Variants in COL5A2 observed in about 807,000 individuals in gnomAD.
COL5A2 encodes the protein collagen type V alpha 2 chain.
A neutral mutation model predicts 208.2 loss-of-function variants in COL5A2; 23 were observed. That is an observed-to-expected ratio of 0.11 (90% CI 0.08 to 0.16). The LOEUF (loss-of-function observed/expected upper bound fraction) is 0.16, where lower values mean the gene tolerates loss of function less well. COL5A2 is among the 10% of genes least tolerant of loss of function. COL5A2 has a pLI of 1.00. For missense variants in COL5A2, 1,590 were observed against 1,956.4 expected (o/e 0.81, Z 3.53); for synonymous variants, 625 against 628.5 (o/e 0.99, Z 0.08).
chr2:189,289,581 G>GAGA, the COL5A2 span, among the ~76,000 whole-genome samples: 4 of 152,154 alleles, frequency 2.6e-5, no homozygotes, highest in Non-Finnish European at 5.9e-5. Flanking sequence ...ATTGGAAAGA[G>GAGA]AGAAGTTAAA....
At chr2:189,326,858 G>T in the COL5A2 span, among the ~76,000 whole-genome samples, 4 of 151,878 alleles carry the variant, frequency 2.6e-5, no homozygotes, top group African/African-American at 7.3e-5. Flanking sequence ...ATCACTTGAG[G>T]TCAGGAGTTC....
the COL5A2 span, among the ~76,000 whole-genome samples, chr2:189,279,967 A>ATAAAATTAG: frequency 6.6e-6 from 1 of 152,124 alleles, no homozygotes; most frequent in Non-Finnish European, 1.5e-5. Flanking sequence ...TGGAGCCCTC[A>ATAAAATTAG]TGAATAAAAT....
chr2:189,317,574 A>G, the COL5A2 span, among the ~76,000 whole-genome samples: 1 of 152,192 alleles, frequency 6.6e-6, no homozygotes, highest in Non-Finnish European at 1.5e-5. Context: ...AATATATGAG[A>G]TTAATAAATA....
At chr2:189,052,831 T>A in intron 39 of COL5A2, 29 bp from the exon 40 acceptor site, 1 of 1,613,592 alleles carries the variant, frequency 6.2e-7, no homozygotes. Context: ...AAGAGCACTA[T>A]AGTGAAGCAA....
the COL5A2 span, among the ~76,000 whole-genome samples, chr2:189,300,020 T>C: frequency 6.6e-6 from 1 of 152,092 alleles, no homozygotes; most frequent in South Asian, 2.1e-4. Context: ...AAAGAAAGAA[T>C]AGCCTGTTCA....
intron 44 of COL5A2, 147 bp downstream of exon 44, chr2:189,049,200 G>C: frequency 1.5e-6 from 1 of 681,992 alleles, no homozygotes. Context: ...CAACTCTCTA[G>C]GGAAGTAGAG....
chr2:189,239,235 AT>A, the COL5A2 span, among the ~76,000 whole-genome samples: 7 of 152,028 alleles, frequency 4.6e-5, no homozygotes, highest in East Asian at 1.9e-4. Context: ...TTATCTTCAG[AT>A]TTTTTTAATG....
At chr2:189,380,967 A>T in the COL5A2 span, among the ~76,000 whole-genome samples, 1 of 152,064 alleles carries the variant, frequency 6.6e-6, no homozygotes, top group African/African-American at 2.4e-5. Flanking sequence ...CTGAAGAATG[A>T]AGAAGCTGTG....
intron 5 of COL5A2, 120 bp downstream of exon 5, chr2:189,098,607 T>C: frequency 1.2e-6 from 1 of 831,128 alleles, no homozygotes; most frequent in Non-Finnish European, 2.0e-6. Flanking sequence ...GACAAAATGT[T>C]TTAAGAGACC....
At chr2:189,270,012 T>A in the COL5A2 span, among the ~76,000 whole-genome samples, 1 of 152,196 alleles carries the variant, frequency 6.6e-6, no homozygotes, top group Non-Finnish European at 1.5e-5. Context: ...ATTTTCTAGT[T>A]TATTTGCATA....
chr2:189,221,904 T>G (rs550820880), intron 1 of COL5A2, among the ~76,000 whole-genome samples: 11 of 152,326 alleles, frequency 7.2e-5, no homozygotes, highest in African/African-American at 2.6e-4. Flanking sequence ...AATGGAGTTT[T>G]CTATAATGTG....
the COL5A2 span, among the ~76,000 whole-genome samples, chr2:189,248,884 T>C: frequency 6.6e-6 from 1 of 152,160 alleles, no homozygotes; most frequent in African/African-American, 2.4e-5. Context: ...ACATCATTAA[T>C]ATAATTTTAA....
At chr2:189,256,948 C>T in the COL5A2 span, among the ~76,000 whole-genome samples, 1 of 152,158 alleles carries the variant, frequency 6.6e-6, no homozygotes, top group African/African-American at 2.4e-5. Context: ...TACTTTTATA[C>T]CTGCATAGTA....
rs1203694239 is a variant in COL5A2, at chr2:189,032,165, A to G, written c.*1905T>C. 1 of 152,172 alleles carries G rather than the reference A, an allele frequency of 6.6e-6. No individual in the cohort carries two copies. The highest frequency in any genetic ancestry group is 2.4e-5 in the African/African-American group (1 of 41,452). The allele number at this position is 152,172 out of a possible 1,614,324, so 9.4% of individuals were successfully genotyped here. On this transcript the variant is annotated 3_prime_UTR_variant, in exon 54 of 54. Transcript: ENST00000374866. ...AAATGATGTTGTAAACTAAATATTGAGAATGAAACTGAAAACAATTAGGCT... is the reference window on the plus strand; with the variant it reads ...AAATGATGTTGTAAACTAAATATTGGGAATGAAACTGAAAACAATTAGGCT...
chr2:189,121,746 A>AAAAT (rs1245397645), intron 1 of COL5A2, among the ~76,000 whole-genome samples: 1 of 151,220 alleles, frequency 6.6e-6, no homozygotes, highest in Non-Finnish European at 1.5e-5. Context: ...CAAAAAAAAA[A>AAAAT]AAAAAAAAAA....
chr2:189,316,198 T>C, the COL5A2 span, among the ~76,000 whole-genome samples: 1 of 152,128 alleles, frequency 6.6e-6, no homozygotes, highest in South Asian at 2.1e-4. Context: ...AGCAAAGATA[T>C]AGAATCAACC....
the COL5A2 span, among the ~76,000 whole-genome samples, chr2:189,436,779 C>T: frequency 6.6e-6 from 1 of 152,134 alleles, no homozygotes; most frequent in South Asian, 2.1e-4. Flanking sequence ...CATGTTCTCA[C>T]TTATAAGTGG....
rs1431771655 is a variant in COL5A2, at chr2:189,053,933, G to A, written c.2461C>T (p.Arg821Ter). The change falls in exon 37 of 54, where the codon CGA becomes TGA. Residue 821 changes from arginine (R) to a stop codon, truncating the protein, a stop_gained. Coordinates refer to ENST00000374866, the MANE Select transcript of COL5A2 (RefSeq NM_000393.5). LOFTEE classifies it high-confidence loss of function. ...PTGEKGEPGPRGLVGPPGSRG... is the reference protein window; with the variant it reads ...PTGEKGEPGP ...GAGCCAGGAGGGCCAACTAAACCTC[G>A]AGGACCAGGTTCACCCTAGAAAGCA... The A allele has an allele frequency of 6.2e-7, 1 of 1,613,938 alleles. No homozygotes were observed. The highest frequency in any genetic ancestry group is 8.5e-7 in the Non-Finnish European group (1 of 1,179,928).
chr2:189,239,010 TAAA>T, the COL5A2 span, among the ~76,000 whole-genome samples: 470 of 152,242 alleles, frequency 3.1e-3, 2 homozygotes, highest in African/African-American at 0.01. Flanking sequence ...ACACAGAAAA[TAAA>T]AATTCAAATG....
Sources: gnomAD v4.1 joint callset for allele counts (sites outside exome capture counted in the v4.1 genomes callset) on GRCh38, gnomAD v4.1.1 for gene constraint, MANE v1.5 for transcripts, NCBI Gene and HGNC (gene_info 2026-07-23, HGNC 2026-07-21) for gene names.